TEX15: variants seen among roughly 807,000 people sequenced by gnomAD.
TEX15 encodes testis-expressed protein 15.
In TEX15, 171 loss-of-function variants were observed where a neutral mutation model predicts 237.3. The observed-to-expected ratio is 0.72, with a 90% CI of 0.64 to 0.82. The LOEUF (loss-of-function observed/expected upper bound fraction) is 0.82. Among genes scored for constraint, TEX15 ranks in the 40% least tolerant of loss-of-function variants. TEX15 has a pLI of 0.00. For synonymous variants in TEX15, 1,338 were observed against 1,269.8 expected, an observed-to-expected ratio of 1.05 and a Z score of -1.14; for missense variants, 3,750 against 3,646.5, an observed-to-expected ratio of 1.03 and a Z score of -0.73.
rs908590153 is a variant in TEX15 at position 30,844,302 on chromosome 8, A to C, written c.5865T>G (p.Val1955=). Residue 1955 remains valine (V), a synonymous_variant, in exon 8 of 11, where the codon GTT becomes GTG. Transcript: ENST00000643185. Reference sequence around the variant, plus strand: ...GGGCAGGTAAAATAGGCGTATGATTAACTCCTAGAATTCCTGGTTTGGAAA... The same window carrying C: ...GGGCAGGTAAAATAGGCGTATGATTCACTCCTAGAATTCCTGGTTTGGAAA... The part of the protein sequence containing the change: ...AYISKPGILG[V]NHTPILPAHS... 4 of 1,613,448 alleles carry C rather than the reference A, an allele frequency of 2.5e-6. No homozygotes were observed. The highest frequency in any genetic ancestry group is 3.4e-6 in the Non-Finnish European group (4 of 1,179,544).
chr8:30,843,168 C>A lies in TEX15; in HGVS notation c.6999G>T (p.Glu2333Asp). ...TTCTGGAAGCAATTATAGTATCCTC[C>A]TCAAGCCCAATAGGGGAAATTGGTT... The part of the protein sequence containing the change: ...NNEPISPIGL[E>D]EDTIIASRKS... The change falls in exon 8 of 11, where the codon GAG becomes GAT. Residue 2333 changes from glutamate (E) to aspartate (D), a missense_variant. Physicochemically the swap from Glu to Asp is conservative, Grantham distance 45. Transcript: ENST00000643185. 3.7e-6 allele frequency: 6 copies of A among 1,613,364 alleles called. No individual in the cohort carries two copies. The highest frequency in any genetic ancestry group is 5.1e-6 in the Non-Finnish European group (6 of 1,179,616).
At chr8:30,899,156 C>T (rs1012968151) in intron 1 of TEX15, among the ~76,000 whole-genome samples, 17 of 152,154 alleles carry the variant, frequency 1.1e-4, no homozygotes, top group African/African-American at 2.9e-4. Flanking sequence ...CCACCTGTAA[C>T]GCAGCACATG....
At chr8:30,863,663 A>C (rs1009213185) in intron 5 of TEX15, among the ~76,000 whole-genome samples, 2 of 151,758 alleles carry the variant, frequency 1.3e-5, no homozygotes, top group African/African-American at 2.4e-5. Flanking sequence ...CCTATTTTGC[A>C]GCCAGACATA....
rs960369273 is a variant in TEX15, at chr8:30,837,587, G to C, written c.8697C>G (p.Phe2899Leu). ...PDASVLSKPI[F>L]CFVKDVHPDL... ...CAGGATGGACATCTTTCACAAAACA[G>C]AAAATTGGCTTTGAGAGCACCGACG... The change falls in exon 10 of 11, where the codon TTC (phenylalanine) becomes TTG (leucine). Residue 2899 changes from phenylalanine to leucine, a missense_variant. By Grantham distance (22) the Phe-to-Leu change is conservative. Transcript: ENST00000643185. 2 of 1,614,080 alleles carry C rather than the reference G, an allele frequency of 1.2e-6. No homozygotes were observed. Among genetic ancestry groups the C allele is most frequent in the Non-Finnish European group, 1.7e-6 (2 of 1,179,978 alleles).
intron 7 of TEX15, among the ~76,000 whole-genome samples, chr8:30,849,681 T>C (rs1369587733): frequency 6.6e-6 from 1 of 151,764 alleles, no homozygotes. Flanking sequence ...GGTGGACAGA[T>C]CATGAGGTCA....
At chr8:30,838,689 TATATATATACACACACACACACACACAC>T (rs1807366295) in intron 9 of TEX15, among the ~76,000 whole-genome samples, 1 of 14,424 alleles carries the variant, frequency 6.9e-5, no homozygotes, top group Non-Finnish European at 2.2e-4. Flanking sequence ...CTGAGGTAAT[TATATATATACACACACACACACACACAC>T]ATATATACAC....
In TEX15 at chr8:30,838,017, C is replaced by T. The variant is rs757169474; in HGVS notation, c.8267G>A (p.Ser2756Asn). The T allele has an allele frequency of 1.9e-6, 3 of 1,613,522 alleles. No homozygotes were observed. In the South Asian group the frequency reaches 3.3e-5, roughly 18 times the overall value. The change falls in exon 10 of 11, where the codon AGT becomes AAT. Residue 2756 changes from serine (S) to asparagine (N), a missense_variant. Physicochemically the swap from Ser to Asn is conservative, Grantham distance 46 (BLOSUM62 1). Coordinates refer to ENST00000643185, the MANE Select transcript of TEX15 (RefSeq NM_001350162.2). ...HPKSENKIVP[S>N]SCDSLKRNHL... ...ATTTCTTTTCAGACTGTCACATGAACTTGGTACTATTTTGTTTTCGCTTTT... is the reference window on the plus strand; with the variant it reads ...ATTTCTTTTCAGACTGTCACATGAATTTGGTACTATTTTGTTTTCGCTTTT...
At chr8:30,866,431 C>T (rs1298644084) in intron 5 of TEX15, among the ~76,000 whole-genome samples, 3 of 151,852 alleles carry the variant, frequency 2.0e-5, no homozygotes, top group African/African-American at 7.3e-5. Flanking sequence ...ATTTGGAAAA[C>T]CCTAACTTGG....
chr8:30,857,283 C>G (rs1458313914), intron 7 of TEX15, among the ~76,000 whole-genome samples: 1 of 152,110 alleles, frequency 6.6e-6, no homozygotes, highest in African/African-American at 2.4e-5. Context: ...TCCTATCGCA[C>G]ACCAAAGTCA....
intron 3 of TEX15, among the ~76,000 whole-genome samples, chr8:30,878,914 G>T (rs1231542159): frequency 3.3e-5 from 5 of 152,166 alleles, no homozygotes; most frequent in Admixed American, 2.6e-4. Context: ...CAAGTGAGTT[G>T]TTGTCTCCCA....
intron 6 of TEX15, among the ~76,000 whole-genome samples, 169 bp downstream of exon 6, chr8:30,859,742 C>T (rs1808000841): frequency 6.6e-6 from 1 of 152,154 alleles, no homozygotes; most frequent in Admixed American, 6.5e-5. Flanking sequence ...TTTCAAACTT[C>T]TTCACTAATA....
chr8:30,874,851 C>T, intron 4 of TEX15, 86 bp downstream of exon 4: 1 of 801,876 alleles, frequency 1.2e-6, no homozygotes, highest in Non-Finnish European at 1.7e-6. Flanking sequence ...CTTACTAAAT[C>T]TCATATGGTA....
At chr8:30,906,594 G>GAAAA (rs34052778) in intron 1 of TEX15, among the ~76,000 whole-genome samples, 5 of 96,148 alleles carry the variant, frequency 5.2e-5, no homozygotes, top group Non-Finnish European at 5.1e-5. Context: ...CATCTCAAAA[G>GAAAA]AAAAAAAAAA....
chr8:30,866,630 T>A (rs1808172920), intron 5 of TEX15, among the ~76,000 whole-genome samples: 1 of 152,152 alleles, frequency 6.6e-6, no homozygotes, highest in South Asian at 2.1e-4. Context: ...TACTTCTTAT[T>A]CCAGAGACAT....
intron 2 of TEX15, among the ~76,000 whole-genome samples, chr8:30,888,178 G>A (rs1809881666): frequency 6.6e-6 from 1 of 151,510 alleles, no homozygotes; most frequent in African/African-American, 2.4e-5. Context: ...GACTCCCAAA[G>A]TGCTGGAATT....
At chr8:30,833,927 G>C (rs1324762156) in intron 10 of TEX15, among the ~76,000 whole-genome samples, 1 of 152,104 alleles carries the variant, frequency 6.6e-6, no homozygotes, top group Non-Finnish European at 1.5e-5. Flanking sequence ...CTTGATTCCA[G>C]AGCTATCTTT....
rs866876546 is a variant in TEX15, at chr8:30,874,998, G to A, written c.241C>T (p.Gln81Ter). 1.4e-6 allele frequency: 2 copies of A among 1,388,656 alleles called. No individual in the cohort carries two copies. The highest frequency in any genetic ancestry group is 2.8e-5 in the Admixed American group (1 of 35,598). The allele number at this position is 1,388,656 out of a possible 1,614,324, so 86.0% of individuals were successfully genotyped here. ...DVNCDLQSLW[Q>*]FGDTKLVHNE... ...TGAACCAGTTTTGTATCCCCAAACTGCCATAACGACTGCAGATCACAGTTT... is the reference window on the plus strand; with the variant it reads ...TGAACCAGTTTTGTATCCCCAAACTACCATAACGACTGCAGATCACAGTTT... The change falls in exon 4 of 11, where the codon CAG becomes TAG. Residue 81 changes from glutamine to a stop codon, truncating the protein, a stop_gained. Transcript: ENST00000643185. LOFTEE classifies it high-confidence loss of function.
At position 30,842,518 on chromosome 8, in the gene TEX15, T is replaced by C. The variant is rs1344142726; in HGVS notation, c.7649A>G (p.Glu2550Gly). 2 of 1,611,618 alleles carry C rather than the reference T, an allele frequency of 1.2e-6. No homozygotes were observed. The highest frequency in any genetic ancestry group is 1.7e-6 in the Non-Finnish European group (2 of 1,179,700). ...GGACTTCTTCAGAAGCTTTTTTATTTCTGAAAGTTCTTGAAGTTCTCTTGA... is the reference window on the plus strand; with the variant it reads ...GGACTTCTTCAGAAGCTTTTTTATTCCTGAAAGTTCTTGAAGTTCTCTTGA... ...LLSRELQELS[E>G]IKKLLKKSKY... Residue 2550 changes from glutamate (E) to glycine (G), a missense_variant, in exon 8 of 11, where the codon GAA (glutamate) becomes GGA (glycine). By Grantham distance (98) the Glu-to-Gly change is moderately conservative. Transcript: ENST00000643185.
rs1807465753 is a variant in TEX15, at chr8:30,842,009, G to C, written c.8158C>G (p.Leu2720Val). The C allele has an allele frequency of 6.4e-7, 1 of 1,573,842 alleles. No individual in the cohort carries two copies. Among genetic ancestry groups the C allele is most frequent in the Middle Eastern group, 1.7e-4 (1 of 5,860 alleles). ...TTGTTTTAAAACATACATACCTTTA[G>C]CTTTTTACAACTGGAAACAGTAGTA... ...QDTTVSSCKKLKVDMKDVTKI... is the reference protein window; with the variant it reads ...QDTTVSSCKKVKVDMKDVTKI... The change falls in exon 8 of 11, where the codon CTA (leucine) becomes GTA (valine). Residue 2720 changes from leucine to valine, a missense_variant. Leu to Val is a conservative substitution (Grantham distance 32). Transcript: ENST00000643185.
Sources: gnomAD v4.1 joint callset for allele counts (sites outside exome capture counted in the v4.1 genomes callset) on GRCh38, gnomAD v4.1.1 for gene constraint, MANE v1.5 for transcripts, NCBI Gene and HGNC (gene_info 2026-07-23, HGNC 2026-07-21) for gene names.